The following NLGN1 variants were observed in gnomAD, a reference collection of about 807,000 sequenced individuals.
NLGN1 encodes neuroligin-1.
NLGN1 carries 12 observed loss-of-function variants against 65.5 expected under a neutral mutation model. The ratio of observed to expected loss-of-function variants is 0.18; its 90% confidence interval spans 0.12 to 0.30. NLGN1 has a LOEUF of 0.30. NLGN1 is among the 10% of genes least tolerant of loss of function. The pLI, the probability that NLGN1 is intolerant of heterozygous loss-of-function variation, is 1.00. For missense variants in NLGN1, 750 were observed against 1,007.1 expected, an observed-to-expected ratio of 0.74 and a Z score of 3.46; for synonymous variants, 350 against 359.5, an observed-to-expected ratio of 0.97 and a Z score of 0.30.
At chr3:173,888,056 G>T (rs1228228026) in intron 4 of NLGN1, among the ~76,000 whole-genome samples, 1 of 151,890 alleles carries the variant, frequency 6.6e-6, no homozygotes, top group African/African-American at 2.4e-5. Flanking sequence ...AGTGAAACAT[G>T]GTGTATATGA....
downstream of NLGN1, among the ~76,000 whole-genome samples, chr3:174,288,001 A>G (rs1752320227): frequency 6.6e-6 from 1 of 151,588 alleles, no homozygotes; most frequent in Non-Finnish European, 1.5e-5. Context: ...AATGGGTGTT[A>G]AACACGTGGC....
intron 2 of NLGN1, among the ~76,000 whole-genome samples, chr3:173,489,843 G>A (rs1451342259): frequency 1.3e-5 from 2 of 152,060 alleles, no homozygotes; most frequent in Non-Finnish European, 2.9e-5. Flanking sequence ...CAGTGATGAT[G>A]AGCATTTTTT....
At chr3:173,851,790 C>T (rs1027568882) in intron 4 of NLGN1, among the ~76,000 whole-genome samples, 21 of 152,204 alleles carry the variant, frequency 1.4e-4, no homozygotes, top group African/African-American at 5.1e-4. Flanking sequence ...CATCTGCTTT[C>T]ATAGGTTTGA....
chr3:173,468,888 A>C (rs899183680), intron 2 of NLGN1, among the ~76,000 whole-genome samples: 1 of 152,140 alleles, frequency 6.6e-6, no homozygotes, highest in Admixed American at 6.6e-5. Context: ...AAGCCAGTGC[A>C]TAATAGGAAA....
At chr3:174,206,735 T>G (rs1735498266) in intron 4 of NLGN1, among the ~76,000 whole-genome samples, 1 of 152,136 alleles carries the variant, frequency 6.6e-6, no homozygotes, top group African/African-American at 2.4e-5. Context: ...TGAAGACCTG[T>G]GTGGAATGGG....
At chr3:173,516,483 C>T (rs181187699) in intron 2 of NLGN1, among the ~76,000 whole-genome samples, 1 of 152,174 alleles carries the variant, frequency 6.6e-6, no homozygotes, top group Non-Finnish European at 1.5e-5. Context: ...TATATCACTC[C>T]TCTTGAACTC....
At chr3:174,271,615 C>T (rs184431846) in intron 4 of NLGN1, among the ~76,000 whole-genome samples, 5 of 151,876 alleles carry the variant, frequency 3.3e-5, no homozygotes, top group Admixed American at 1.3e-4. Context: ...CCTGGTTTCT[C>T]TCTAGCACTT....
intron 4 of NLGN1, among the ~76,000 whole-genome samples, chr3:173,858,608 AAC>A (rs796958191): frequency 3.3e-5 from 5 of 152,116 alleles, no homozygotes; most frequent in African/African-American, 1.2e-4. Context: ...TCCCATTGTA[AAC>A]ACACAACTTT....
chr3:174,062,940 C>A lies in NLGN1; in HGVS notation c.647-212375C>A, dbSNP rs1219341206. On this transcript the variant is annotated intron_variant, in intron 4 of 6. Transcript: ENST00000457714. Reference sequence around the variant, plus strand: ...TAGATACTGATCATAACAACCAGAACCTTTGTCATGGCAATCTTATTCATT... The same window carrying A: ...TAGATACTGATCATAACAACCAGAAACTTTGTCATGGCAATCTTATTCATT... Among the ~76,000 whole-genome samples the A allele has an allele frequency of 2.6e-5, 4 of 152,026 alleles. No homozygotes were observed. The South Asian group carries it at 6.2e-4, about 24-fold the overall frequency.
chr3:173,801,236 T>C (rs1249794380), intron 3 of NLGN1, among the ~76,000 whole-genome samples: 2 of 152,058 alleles, frequency 1.3e-5, no homozygotes, highest in African/African-American at 2.4e-5. Context: ...ACTACCTAGA[T>C]TGACTTGACA....
chr3:174,172,880 T>C (rs1728801251), intron 4 of NLGN1, among the ~76,000 whole-genome samples: 1 of 152,092 alleles, frequency 6.6e-6, no homozygotes, highest in Admixed American at 6.6e-5. Flanking sequence ...TGATAGGGAT[T>C]GCATTAAATC....
chr3:174,061,339 A>G (rs941128711), intron 4 of NLGN1, among the ~76,000 whole-genome samples: 3 of 152,138 alleles, frequency 2.0e-5, no homozygotes, highest in African/African-American at 4.8e-5. Context: ...CTTAGTCTGA[A>G]TCTGCTTCTT....
chr3:173,659,526 C>T (rs1760602211), intron 3 of NLGN1, among the ~76,000 whole-genome samples: 1 of 151,698 alleles, frequency 6.6e-6, no homozygotes, highest in Admixed American at 6.6e-5. Context: ...GTAAGTATGA[C>T]CAGAGTCATT....
intron 2 of NLGN1, among the ~76,000 whole-genome samples, chr3:173,439,502 T>C (rs1718754662): frequency 6.6e-6 from 1 of 151,096 alleles, no homozygotes; most frequent in African/African-American, 2.4e-5. Context: ...AGTTTATTTC[T>C]TATTGTTAAA....
chr3:173,501,390 C>G (rs2149058976), intron 2 of NLGN1, among the ~76,000 whole-genome samples: 1 of 152,224 alleles, frequency 6.6e-6, no homozygotes, highest in Middle Eastern at 3.4e-3. Flanking sequence ...GAAGGCTTAT[C>G]TCTCAGACTT....
intron 4 of NLGN1, among the ~76,000 whole-genome samples, chr3:173,868,074 A>G (rs547222115): frequency 4.6e-5 from 7 of 152,178 alleles, no homozygotes; most frequent in African/African-American, 1.4e-4. Context: ...TCCCAGTTAC[A>G]TTAGTCAGTG....
chr3:173,565,314 G>A (rs1399971499), intron 2 of NLGN1, among the ~76,000 whole-genome samples: 1 of 152,210 alleles, frequency 6.6e-6, no homozygotes, highest in East Asian at 1.9e-4. Flanking sequence ...TAAAGCAGAT[G>A]TTTTGCAGTG....
At chr3:173,670,581 A>G (rs915931307) in intron 3 of NLGN1, among the ~76,000 whole-genome samples, 1 of 152,192 alleles carries the variant, frequency 6.6e-6, no homozygotes, top group Non-Finnish European at 1.5e-5. Context: ...GACAAAGGGC[A>G]TGAAGCTATT....
At chr3:173,746,814 A>C (rs575693261) in intron 3 of NLGN1, among the ~76,000 whole-genome samples, 18 of 152,048 alleles carry the variant, frequency 1.2e-4, no homozygotes, top group African/African-American at 4.3e-4. Context: ...AGGCTGAGGC[A>C]AGAGGATCAC....
Sources: gnomAD v4.1 joint callset for allele counts (sites outside exome capture counted in the v4.1 genomes callset) on GRCh38, gnomAD v4.1.1 for gene constraint, MANE v1.5 for transcripts, NCBI Gene and HGNC (gene_info 2026-07-23, HGNC 2026-07-21) for gene names.